DLG2: variants seen among roughly 807,000 people sequenced by gnomAD.
The protein encoded by DLG2 is disks large homolog 2.
In DLG2, 45 loss-of-function variants were observed where a neutral mutation model predicts 132.5. The ratio of observed to expected loss-of-function variants is 0.34; its 90% CI spans 0.27 to 0.44. The LOEUF (loss-of-function observed/expected upper bound fraction) is 0.44, where lower values mean the gene tolerates loss of function less well. DLG2 is among the 20% of genes least tolerant of loss of function. The pLI is 1.00. For missense variants in DLG2, 1,045 were observed against 1,196.9 expected, an observed-to-expected ratio of 0.87 and a Z score of 1.87; for synonymous variants, 424 against 419.6, an observed-to-expected ratio of 1.01 and a Z score of -0.13.
chr11:83,927,210 C>G (rs1431031712), intron 15 of DLG2, among the ~76,000 whole-genome samples: 1 of 152,108 alleles, frequency 6.6e-6, no homozygotes, highest in African/African-American at 2.4e-5. Flanking sequence ...TCCTGCTAGC[C>G]AGATACTGTA....
At chr11:84,907,390 T>C (rs994273421) in intron 6 of DLG2, among the ~76,000 whole-genome samples, 6 of 152,120 alleles carry the variant, frequency 3.9e-5, no homozygotes, top group African/African-American at 1.2e-4. Context: ...AAGAATAGAA[T>C]AGGAAGATTC....
chr11:84,869,547 C>T (rs2085142448), intron 6 of DLG2, among the ~76,000 whole-genome samples: 1 of 152,160 alleles, frequency 6.6e-6, no homozygotes, highest in South Asian at 2.1e-4. Flanking sequence ...ATGGAATCTA[C>T]AAATATTACA....
At chr11:84,894,557 A>G (rs368195876) in intron 6 of DLG2, among the ~76,000 whole-genome samples, 2 of 152,302 alleles carry the variant, frequency 1.3e-5, no homozygotes, top group African/African-American at 4.8e-5. Flanking sequence ...TTCATTAAAT[A>G]AGAAAAAGAA....
At chr11:85,036,950 C>G (rs532922882) in intron 6 of DLG2, among the ~76,000 whole-genome samples, 2 of 152,300 alleles carry the variant, frequency 1.3e-5, no homozygotes, top group South Asian at 4.1e-4. Context: ...GGATTTTTCT[C>G]TGTTTGTTCT....
At chr11:83,601,674 G>A (rs913397063) in intron 19 of DLG2, among the ~76,000 whole-genome samples, 1 of 150,938 alleles carries the variant, frequency 6.6e-6, no homozygotes, top group African/African-American at 2.4e-5. Context: ...AACATGCCAA[G>A]CTAATTTTTG....
chr11:83,931,401 T>C (rs2080190440), intron 14 of DLG2, among the ~76,000 whole-genome samples: 1 of 152,222 alleles, frequency 6.6e-6, no homozygotes, highest in South Asian at 2.1e-4. Flanking sequence ...GTAACATTGT[T>C]GTTTCTGCCT....
At chr11:84,177,484 C>T (rs963786035) in intron 8 of DLG2, among the ~76,000 whole-genome samples, 2 of 152,160 alleles carry the variant, frequency 1.3e-5, no homozygotes, top group Non-Finnish European at 2.9e-5. Context: ...GACATGTAGG[C>T]TAATCCTAAA....
chr11:85,214,184 G>A (rs983945571), intron 4 of DLG2, among the ~76,000 whole-genome samples: 1 of 151,976 alleles, frequency 6.6e-6, no homozygotes, highest in Non-Finnish European at 1.5e-5. Context: ...CAGTCTCTAC[G>A]GTCTACCCTC....
chr11:83,978,153 C>T (rs1245116088), intron 12 of DLG2, among the ~76,000 whole-genome samples: 1 of 148,832 alleles, frequency 6.7e-6, no homozygotes, highest in East Asian at 1.9e-4. Context: ...AATCCTTTGA[C>T]AGAATTATTT....
chr11:83,762,627 C>T (rs1305149897), intron 18 of DLG2, among the ~76,000 whole-genome samples: 3 of 151,112 alleles, frequency 2.0e-5, no homozygotes, highest in South Asian at 2.1e-4. Context: ...GTCACCCAGG[C>T]TGGACTGCAG....
intron 7 of DLG2, among the ~76,000 whole-genome samples, chr11:84,479,976 C>A (rs1188775750): frequency 2.6e-5 from 4 of 152,006 alleles, no homozygotes; most frequent in Admixed American, 2.6e-4. Flanking sequence ...TTTTCTCATT[C>A]CTTTACTAGT....
chr11:84,412,378 C>T (rs1329175773), intron 7 of DLG2, among the ~76,000 whole-genome samples: 1 of 151,792 alleles, frequency 6.6e-6, no homozygotes. Context: ...CAGAGGAGTG[C>T]AAGTTCTACA....
At chr11:84,686,236 C>T (rs2099738042) in intron 6 of DLG2, among the ~76,000 whole-genome samples, 1 of 152,172 alleles carries the variant, frequency 6.6e-6, no homozygotes, top group Non-Finnish European at 1.5e-5. Flanking sequence ...TGCAGTTCTC[C>T]ATAAGAGGCT....
chr11:84,387,747 G>A (rs887229751), intron 7 of DLG2, among the ~76,000 whole-genome samples: 2 of 152,068 alleles, frequency 1.3e-5, no homozygotes, highest in Admixed American at 6.5e-5. Context: ...TTTGCCTTAC[G>A]TATACTTCAA....
At chr11:83,860,386 A>T (rs2061256301) in intron 16 of DLG2, among the ~76,000 whole-genome samples, 1 of 152,148 alleles carries the variant, frequency 6.6e-6, no homozygotes. Context: ...CATCAGCATG[A>T]CCTGGATATG....
chr11:84,566,502 A>G (rs1317401359), intron 6 of DLG2, among the ~76,000 whole-genome samples: 1 of 152,196 alleles, frequency 6.6e-6, no homozygotes, highest in Non-Finnish European at 1.5e-5. Flanking sequence ...GGTGACTTGC[A>G]ACACAGCTTT....
intron 9 of DLG2, among the ~76,000 whole-genome samples, chr11:84,160,367 A>G (rs1026576448): frequency 1.3e-5 from 2 of 152,202 alleles, no homozygotes; most frequent in African/African-American, 4.8e-5. Flanking sequence ...AGGAAGCATC[A>G]AATCCTGCTA....
chr11:83,889,550 G>A (rs2154084068), intron 15 of DLG2, among the ~76,000 whole-genome samples: 2 of 152,292 alleles, frequency 1.3e-5, no homozygotes, highest in East Asian at 3.9e-4. Flanking sequence ...TCAGTGTGGT[G>A]ATTCCTCAGG....
chr11:84,534,058 A>G (rs894733775), intron 7 of DLG2, among the ~76,000 whole-genome samples: 2 of 152,204 alleles, frequency 1.3e-5, no homozygotes, highest in Non-Finnish European at 2.9e-5. Flanking sequence ...AAAAAGTAGA[A>G]AGTGTTGGGA....
Sources: gnomAD v4.1 joint callset for allele counts (sites outside exome capture counted in the v4.1 genomes callset) on GRCh38, gnomAD v4.1.1 for gene constraint, MANE v1.5 for transcripts, NCBI Gene and HGNC (gene_info 2026-07-23, HGNC 2026-07-21) for gene names.